Variants in MYCBP2 observed in about 807,000 individuals in gnomAD.
MYCBP2 encodes MYC binding protein 2, also known as E3 ubiquitin-protein ligase MYCBP2.
In MYCBP2, 120 loss-of-function variants were observed where a neutral mutation model predicts 525.3. That is an observed-to-expected ratio of 0.23 (90% CI 0.20 to 0.27). The LOEUF is 0.27. Among genes scored for constraint, MYCBP2 ranks in the 10% least tolerant of loss-of-function variants. The pLI is 1.00. For synonymous variants in MYCBP2, 1,894 were observed against 1,955.8 expected (o/e 0.97, Z 0.83); for missense variants, 4,149 against 5,657.1 (o/e 0.73, Z 8.55).
At chr13:77,223,557 G>A (rs2065875535) in intron 20 of MYCBP2, among the ~76,000 whole-genome samples, 1 of 152,148 alleles carries the variant, frequency 6.6e-6, no homozygotes, top group African/African-American at 2.4e-5. Flanking sequence ...AAGTAAGAGG[G>A]ACTTCAAGAT....
intron 26 of MYCBP2, among the ~76,000 whole-genome samples, chr13:77,197,046 G>C (rs749429068): frequency 2.2e-4 from 34 of 152,188 alleles, no homozygotes; most frequent in Non-Finnish European, 4.4e-4. Context: ...TGGGGGACAA[G>C]AGAAGAAAGT....
intron 38 of MYCBP2, among the ~76,000 whole-genome samples, chr13:77,170,899 C>T (rs1199812619): frequency 6.6e-6 from 1 of 152,050 alleles, no homozygotes; most frequent in Non-Finnish European, 1.5e-5. Context: ...ATAATGATAA[C>T]TCTGCTGCCA....
chr13:77,286,090 C>G (rs2076727237), intron 3 of MYCBP2, among the ~76,000 whole-genome samples: 1 of 152,078 alleles, frequency 6.6e-6, no homozygotes, highest in African/African-American at 2.4e-5. Context: ...ATGAAGCAAG[C>G]CATCTGCCGA....
Position 77,098,046 on chromosome 13 carries a change from A to G in MYCBP2, c.9108T>C (p.Ala3036=). 6.2e-7 allele frequency: 1 copy of G among 1,613,658 alleles called. No individual in the cohort carries two copies. Among genetic ancestry groups the G allele is most frequent in the Non-Finnish European group, 8.5e-7 (1 of 1,179,790 alleles). The part of the protein sequence containing the change: ...SVAECARAVF[A]SFLWHEGIVH... Reference sequence around the variant, plus strand: ...CTATGCCTTCATGCCAGAGGAAGGAAGCAAACACAGCTCTGGCACATTCGG... The same window carrying G: ...CTATGCCTTCATGCCAGAGGAAGGAGGCAAACACAGCTCTGGCACATTCGG... Residue 3036 remains alanine (A), a synonymous_variant, in exon 56 of 83, where the codon GCT becomes GCC. Coordinates refer to ENST00000544440, the MANE Select transcript of MYCBP2 (RefSeq NM_015057.5).
chr13:77,050,796 T>C (rs775326895), intron 82 of MYCBP2, among the ~76,000 whole-genome samples: 10 of 152,194 alleles, frequency 6.6e-5, no homozygotes, highest in Non-Finnish European at 1.3e-4. Flanking sequence ...CCGTCACAGC[T>C]AACTTCTCAC....
At position 77,078,823 on chromosome 13, in the gene MYCBP2, C is replaced by A; in HGVS notation, c.11484+1G>T. 1 of 1,613,022 alleles carries A rather than the reference C, an allele frequency of 6.2e-7. No individual in the cohort carries two copies. ...ACATTTAATGACAAAATTTCAATTA[C>A]CTGCTTTATTCTGCACAAATCTTCT... On this transcript the variant is annotated splice_donor_variant, in intron 66 of 82. Transcript: ENST00000544440. LOFTEE classifies it high-confidence loss of function.
chr13:77,233,002 G>A lies in MYCBP2; in HGVS notation c.2737+154C>T, dbSNP rs530729135. ...AGAAGCATGACAGTCACTGACAAAC[G>A]GTATCACTTTCAGAATGTTCTTTCT... is the stretch of plus-strand genomic sequence containing the variant. On this transcript the variant is annotated intron_variant, in intron 18 of 82. Coordinates refer to ENST00000544440, the MANE Select transcript of MYCBP2 (RefSeq NM_015057.5). Among the ~76,000 whole-genome samples, 6 of 152,250 alleles carry A rather than the reference G, an allele frequency of 3.9e-5. No homozygotes were observed. In the South Asian group the frequency reaches 1.2e-3, roughly 32 times the overall value.
intron 26 of MYCBP2, among the ~76,000 whole-genome samples, chr13:77,196,236 A>T (rs2061740696): frequency 6.6e-6 from 1 of 152,236 alleles, no homozygotes; most frequent in Non-Finnish European, 1.5e-5. Context: ...GTGTCACTGG[A>T]TTAGAGTGAA....
intron 72 of MYCBP2, among the ~76,000 whole-genome samples, chr13:77,065,301 T>C (rs1012239243): frequency 5.3e-5 from 8 of 152,230 alleles, no homozygotes; most frequent in African/African-American, 1.9e-4. Flanking sequence ...ATCCACGCTG[T>C]TGGGAAAAGT....
At position 77,171,538 on chromosome 13, in the gene MYCBP2, G is replaced by A. The variant is rs17067287; in HGVS notation, c.5748C>T (p.Val1916=). 11 of 1,614,038 alleles carry A rather than the reference G, an allele frequency of 6.8e-6. No individual in the cohort carries two copies. The highest frequency in any genetic ancestry group is 1.1e-5 in the South Asian group (1 of 91,086). The change falls in exon 38 of 83, where the codon GTC becomes GTT. Residue 1916 remains valine (V), a synonymous_variant. Coordinates refer to ENST00000544440, the MANE Select transcript of MYCBP2 (RefSeq NM_015057.5). ...GCAGGAGGTCCTTAGAGGCTCGAAC[G>A]ACAGTGCTTACAACAGACAATGCTC... ...CSRALSVVST[V]VRASKDLLHR... is the part of the protein sequence containing the mutation.
rs201035069 is a variant in MYCBP2, at chr13:77,104,019, C to CT, written c.8141-5007dup. Among the ~76,000 whole-genome samples the CT allele has an allele frequency of 9.5e-3, 1,452 of 152,048 alleles. 24 individuals are homozygous for CT. The highest frequency in any genetic ancestry group is 0.033 in the African/African-American group (1,356 of 41,496). ...CAGGAAAATGAAGCACTTAATTTAT[C>CT]TTTTTTTGAAGAATTAACAGAACCT... On this transcript the variant is annotated intron_variant, in intron 55 of 82. Coordinates refer to ENST00000544440, the MANE Select transcript of MYCBP2 (RefSeq NM_015057.5).
At chr13:77,054,995 T>G (rs534084540) in intron 80 of MYCBP2, among the ~76,000 whole-genome samples, 1 of 152,244 alleles carries the variant, frequency 6.6e-6, no homozygotes, top group Admixed American at 6.5e-5. Context: ...TAACTAAATC[T>G]CAAAAATTTT....
At chr13:77,314,030 G>A (rs2080607720) in intron 1 of MYCBP2, among the ~76,000 whole-genome samples, 1 of 151,988 alleles carries the variant, frequency 6.6e-6, no homozygotes, top group Admixed American at 6.5e-5. Flanking sequence ...TTTAATGCAA[G>A]AGGAACTCTC....
intron 20 of MYCBP2, among the ~76,000 whole-genome samples, chr13:77,220,989 T>C (rs946146779): frequency 4.6e-5 from 7 of 152,260 alleles, no homozygotes; most frequent in African/African-American, 1.7e-4. Context: ...AAGAACAACT[T>C]TGGGCAGTTA....
chr13:77,164,386 C>T, intron 43 of MYCBP2, 68 bp downstream of exon 43: 2 of 983,714 alleles, frequency 2.0e-6, no homozygotes, highest in Non-Finnish European at 3.2e-6. Flanking sequence ...CTATTTTTGG[C>T]CCTTTTATAA....
At chr13:77,103,494 G>GA (rs1420979226) in intron 55 of MYCBP2, among the ~76,000 whole-genome samples, 2 of 152,000 alleles carry the variant, frequency 1.3e-5, no homozygotes, top group Non-Finnish European at 2.9e-5. Flanking sequence ...AACAAAGGTC[G>GA]AATTAATTAA....
intron 1 of MYCBP2, among the ~76,000 whole-genome samples, chr13:77,309,699 C>T (rs1403502611): frequency 6.6e-6 from 1 of 152,198 alleles, no homozygotes; most frequent in African/African-American, 2.4e-5. Flanking sequence ...AGAGTTACTG[C>T]AACTGTCTCT....
chr13:77,158,190 T>C, intron 44 of MYCBP2, 81 bp from the exon 45 acceptor site: 1 of 866,740 alleles, frequency 1.2e-6, no homozygotes, highest in Non-Finnish European at 1.6e-6. Flanking sequence ...GCAGATACTT[T>C]CAGATAGGCC....
At position 77,203,451 on chromosome 13, in the gene MYCBP2, G is replaced by A. The variant is rs573767137; in HGVS notation, c.3843+1805C>T. Among the ~76,000 whole-genome samples the A allele has an allele frequency of 5.3e-5, 8 of 152,062 alleles. No homozygotes were observed. In the East Asian group the frequency reaches 5.8e-4, roughly 11 times the overall value. On this transcript the variant is annotated intron_variant, in intron 26 of 82. Coordinates refer to ENST00000544440, the MANE Select transcript of MYCBP2 (RefSeq NM_015057.5). ...CTCATGGGTAGGAAGAATCAATATC[G>A]TGAAAATGGCCATACTGCCCAAGGT...
Sources: gnomAD v4.1 joint callset for allele counts (sites outside exome capture counted in the v4.1 genomes callset) on GRCh38, gnomAD v4.1.1 for gene constraint, MANE v1.5 for transcripts, NCBI Gene and HGNC (gene_info 2026-07-23, HGNC 2026-07-21) for gene names.